PDE5A: variants seen among roughly 807,000 people sequenced by gnomAD.
PDE5A encodes phosphodiesterase 5A.
A neutral mutation model predicts 110.2 loss-of-function variants in PDE5A; 67 were observed. That is an observed-to-expected ratio of 0.61 (90% confidence interval 0.50 to 0.75). The LOEUF is 0.75. PDE5A is among the 30% of genes least tolerant of loss of function. The probability of loss-of-function intolerance (pLI) is 0.00; values close to 1 mark genes in which losing one functional copy is unlikely to be tolerated. For missense variants in PDE5A, 862 were observed against 1,045.1 expected, an observed-to-expected ratio of 0.82 and a Z score of 2.42; for synonymous variants, 328 against 351.2, an observed-to-expected ratio of 0.93 and a Z score of 0.74.
intron 9 of PDE5A, among the ~76,000 whole-genome samples, chr4:119,544,938 C>T (rs1027316453): frequency 6.6e-6 from 1 of 152,044 alleles, no homozygotes; most frequent in Non-Finnish European, 1.5e-5. Context: ...CAGCTCAGAG[C>T]AGAACAACTA....
intron 1 of PDE5A, among the ~76,000 whole-genome samples, chr4:119,615,529 C>T (rs1283355204): frequency 6.6e-6 from 1 of 151,164 alleles, no homozygotes; most frequent in African/African-American, 2.4e-5. Context: ...GGGATATAGG[C>T]CAGCAACATG....
Position 119,494,784 on chromosome 4 carries a change from G to T in PDE5A, c.*3817C>A, listed in dbSNP as rs1725000544. ...ATGCCTCATAAGGTTTTCTTAAACTGTAATATAAATTTATATTTTCAACTA... is the reference window on the plus strand; with the variant it reads ...ATGCCTCATAAGGTTTTCTTAAACTTTAATATAAATTTATATTTTCAACTA... On this transcript the variant is annotated 3_prime_UTR_variant, in exon 21 of 21. Transcript: ENST00000354960. The T allele has an allele frequency of 6.6e-6, 1 of 152,504 alleles. No homozygotes were observed. The highest frequency in any genetic ancestry group is 2.4e-5 in the African/African-American group (1 of 41,406). 9.4% of individuals were successfully genotyped at this position (152,504 alleles called of 1,614,324 possible).
At chr4:119,501,130 A>T in intron 20 of PDE5A, 40 bp downstream of exon 20, 1 of 1,226,720 alleles carries the variant, frequency 8.2e-7, no homozygotes, top group African/African-American at 1.5e-5. Flanking sequence ...AATTCACAAC[A>T]GTCCAAGTTT....
At chr4:119,598,174 G>A (rs1474227421) in intron 2 of PDE5A, among the ~76,000 whole-genome samples, 1 of 152,114 alleles carries the variant, frequency 6.6e-6, no homozygotes, top group Non-Finnish European at 1.5e-5. Context: ...TGAATTATGA[G>A]ACAATTTATA....
At chr4:119,526,147 C>T (rs1253544720) in intron 11 of PDE5A, among the ~76,000 whole-genome samples, 1 of 152,108 alleles carries the variant, frequency 6.6e-6, no homozygotes, top group East Asian at 1.9e-4. Context: ...TCAGGACAGC[C>T]TTATGAAGTG....
In PDE5A at chr4:119,582,061, C is replaced by T. The variant is rs574066191; in HGVS notation, c.831+14462G>A. Among the ~76,000 whole-genome samples the T allele has an allele frequency of 1.8e-4, 28 of 152,284 alleles. No homozygotes were observed. The South Asian group carries it at 5.4e-3, about 29-fold the overall frequency. ...GCATAAGACAACAATGAAGTTGCCA[C>T]CACGGATTGACTCTTCCTTTCATGA... is the stretch of plus-strand genomic sequence containing the variant. On this transcript the variant is annotated intron_variant, in intron 3 of 20. Coordinates refer to ENST00000354960, the MANE Select transcript of PDE5A (RefSeq NM_001083.4).
In PDE5A at chr4:119,607,175, CTG is replaced by C. The variant is rs1215309589; in HGVS notation, c.273_274del (p.Asn91LysfsTer14). On this transcript the variant is annotated frameshift_variant, in exon 2 of 21. Transcript: ENST00000354960. LOFTEE classifies it high-confidence loss of function. Reference sequence around the variant, plus strand: ...TTTCCTGGTTGGTGTTCCAGGGGCACTGTTATCTGCACGAGGACTCTGCTGCA... The same window carrying C: ...TTTCCTGGTTGGTGTTCCAGGGGCACTTATCTGCACGAGGACTCTGCTGCA... 6.2e-7 allele frequency: 1 copy of C among 1,614,132 alleles called. No individual in the cohort carries two copies. The highest frequency in any genetic ancestry group is 2.2e-5 in the East Asian group (1 of 44,868).
At chr4:119,578,332 A>G (rs1728449982) in intron 3 of PDE5A, among the ~76,000 whole-genome samples, 1 of 152,214 alleles carries the variant, frequency 6.6e-6, no homozygotes, top group Non-Finnish European at 1.5e-5. Flanking sequence ...AATTGGAAAA[A>G]ACTACTTTAG....
chr4:119,533,931 A>G lies in PDE5A; in HGVS notation c.1632+5029T>C, dbSNP rs1358254322. Among the ~76,000 whole-genome samples, 3 of 152,182 alleles carry G rather than the reference A, an allele frequency of 2.0e-5. No homozygotes were observed. In the East Asian group the frequency reaches 5.8e-4, roughly 29 times the overall value. ...CTAAAACTATGGTGTTTAGAACTAT[A>G]CACAGTAGTTAGTAAAGAAGAAGCT... is the stretch of plus-strand genomic sequence containing the variant. On this transcript the variant is annotated intron_variant, in intron 11 of 20. Coordinates refer to ENST00000354960, the MANE Select transcript of PDE5A (RefSeq NM_001083.4).
intron 20 of PDE5A, among the ~76,000 whole-genome samples, chr4:119,500,594 T>G (rs1402318534): frequency 3.3e-5 from 5 of 152,126 alleles, no homozygotes; most frequent in Non-Finnish European, 5.9e-5. Flanking sequence ...CGTTTAAACC[T>G]TCAAAGACAA....
At chr4:119,621,132 C>T (rs1300830349) in intron 1 of PDE5A, among the ~76,000 whole-genome samples, 1 of 152,188 alleles carries the variant, frequency 6.6e-6, no homozygotes, top group Non-Finnish European at 1.5e-5. Context: ...ATTATATCTG[C>T]TTTTATTTAT....
At chr4:119,555,595 C>A (rs892965561) in intron 7 of PDE5A, among the ~76,000 whole-genome samples, 1 of 151,960 alleles carries the variant, frequency 6.6e-6, no homozygotes, top group Non-Finnish European at 1.5e-5. Flanking sequence ...CTTGTAAAAT[C>A]TCTTTTAAAA....
chr4:119,567,528 T>C (rs1388917522), intron 3 of PDE5A, among the ~76,000 whole-genome samples: 1 of 152,184 alleles, frequency 6.6e-6, no homozygotes, highest in Non-Finnish European at 1.5e-5. Flanking sequence ...ATATGGGTTT[T>C]AAATATAATA....
chr4:119,544,243 T>C (rs1160474917), intron 9 of PDE5A, among the ~76,000 whole-genome samples: 1 of 152,232 alleles, frequency 6.6e-6, no homozygotes, highest in Non-Finnish European at 1.5e-5. Context: ...TCTTTTTGTT[T>C]GTTTATCTAC....
At chr4:119,543,474 G>T (rs1221442022) in intron 9 of PDE5A, among the ~76,000 whole-genome samples, 1 of 152,104 alleles carries the variant, frequency 6.6e-6, no homozygotes, top group African/African-American at 2.4e-5. Context: ...GATAGGCATT[G>T]TGCTAAATAC....
At chr4:119,612,744 T>G (rs1294495102) in intron 1 of PDE5A, among the ~76,000 whole-genome samples, 1 of 152,214 alleles carries the variant, frequency 6.6e-6, no homozygotes, top group Non-Finnish European at 1.5e-5. Context: ...AATCTGCTGG[T>G]GCCTTGATCT....
chr4:119,596,558 T>C lies in PDE5A; in HGVS notation c.796A>G (p.Ile266Val). 6.2e-7 allele frequency: 1 copy of C among 1,601,418 alleles called. No homozygotes were observed. The highest frequency in any genetic ancestry group is 8.5e-7 in the Non-Finnish European group (1 of 1,173,770). ...DQITGYKTQS[I>V]LCMPIKNHRE... ...TGATTCTTAATTGGCATACAAAGAA[T>C]GCTTTGTGTCTTGTAGCCTGTAATT... The change falls in exon 3 of 21, where the codon ATT (isoleucine) becomes GTT (valine). Residue 266 changes from isoleucine to valine, a missense_variant. Transcript: ENST00000354960.
chr4:119,519,814 T>G (rs1178633550), intron 13 of PDE5A, among the ~76,000 whole-genome samples: 3 of 152,130 alleles, frequency 2.0e-5, no homozygotes, highest in Admixed American at 1.3e-4. Context: ...AGGACAGTTT[T>G]CAGTGTTGAT....
At chr4:119,544,374 A>G (rs941122477) in intron 9 of PDE5A, among the ~76,000 whole-genome samples, 2 of 152,222 alleles carry the variant, frequency 1.3e-5, no homozygotes, top group African/African-American at 4.8e-5. Context: ...TGGACACTGC[A>G]AGTAAAAGCC....
Sources: gnomAD v4.1 joint callset for allele counts (sites outside exome capture counted in the v4.1 genomes callset) on GRCh38, gnomAD v4.1.1 for gene constraint, MANE v1.5 for transcripts, NCBI Gene and HGNC (gene_info 2026-07-23, HGNC 2026-07-21) for gene names.